Variants in MET observed in about 807,000 individuals in gnomAD.
The protein encoded by MET is MET proto-oncogene, receptor tyrosine kinase.
A neutral mutation model predicts 133.1 loss-of-function variants in MET; 48 were observed. That is an observed-to-expected ratio of 0.36 (90% confidence interval 0.29 to 0.46). The LOEUF is 0.46. MET is among the 20% of genes least tolerant of loss of function. MET has a pLI of 1.00. For missense variants in MET, 1,442 were observed against 1,695.9 expected (o/e 0.85, Z 2.63); for synonymous variants, 628 against 616.5 (o/e 1.02, Z -0.28).
intron 2 of MET, among the ~76,000 whole-genome samples, chr7:116,720,697 G>C (rs1278607916): frequency 2.1e-5 from 3 of 139,922 alleles, no homozygotes; most frequent in East Asian, 2.0e-4. Flanking sequence ...TAACATGAAG[G>C]GTTGTTGAAT....
intron 19 of MET, among the ~76,000 whole-genome samples, chr7:116,784,755 C>G (rs1795259809): frequency 6.6e-6 from 1 of 152,146 alleles, no homozygotes; most frequent in African/African-American, 2.4e-5. Context: ...TCCCAAATCT[C>G]ACGTCCTTCT....
chr7:116,769,177 G>A (rs1320801769), intron 11 of MET, among the ~76,000 whole-genome samples: 1 of 152,158 alleles, frequency 6.6e-6, no homozygotes, highest in Non-Finnish European at 1.5e-5. Context: ...CAGATCTCTG[G>A]AGATGAGACC....
chr7:116,782,864 C>T (rs1795195345), intron 18 of MET, among the ~76,000 whole-genome samples: 1 of 152,166 alleles, frequency 6.6e-6, no homozygotes, highest in South Asian at 2.1e-4. Context: ...GCTAACCTAG[C>T]TCATTTAAGA....
intron 19 of MET, among the ~76,000 whole-genome samples, chr7:116,791,884 C>T (rs1289025289): frequency 6.6e-6 from 1 of 152,144 alleles, no homozygotes; most frequent in Admixed American, 6.6e-5. Context: ...AGGCTCCTGA[C>T]TTCAAGTGAT....
chr7:116,782,874 A>T (rs1174266989), intron 18 of MET, among the ~76,000 whole-genome samples: 1 of 152,180 alleles, frequency 6.6e-6, no homozygotes, highest in Non-Finnish European at 1.5e-5. Context: ...CTCATTTAAG[A>T]ATGAAAAAGT....
intron 5 of MET, 127 bp downstream of exon 5, chr7:116,741,152 A>T (rs776773955): frequency 8.4e-6 from 9 of 1,077,680 alleles, no homozygotes; most frequent in Admixed American, 2.3e-5. Flanking sequence ...TTAAAAATCA[A>T]TTTACTCATT....
rs141395129 is a variant in MET at position 116,781,279 on chromosome 7, G to T, written c.3523-709G>T. On this transcript the variant is annotated intron_variant, in intron 17 of 20. Transcript: ENST00000397752. ...CTCTAGAGCCCAGGGCTTCCCCCAT[G>T]TGACCCTGCATGACAGGGTGTGCCT... is the stretch of plus-strand genomic sequence containing the variant. Among the ~76,000 whole-genome samples, 223 of 152,302 alleles carry T rather than the reference G, an allele frequency of 1.5e-3. 1 individual carries two copies. Among genetic ancestry groups the T allele is most frequent in the African/African-American group, 5.1e-3 (210 of 41,572 alleles).
At chr7:116,786,343 G>A (rs567281353) in intron 19 of MET, among the ~76,000 whole-genome samples, 2 of 152,270 alleles carry the variant, frequency 1.3e-5, no homozygotes, top group African/African-American at 4.8e-5. Context: ...AATTTCCGGG[G>A]AACACAATTC....
At chr7:116,760,004 T>G (rs967049060) in intron 10 of MET, among the ~76,000 whole-genome samples, 2 of 152,192 alleles carry the variant, frequency 1.3e-5, no homozygotes, top group African/African-American at 4.8e-5. Flanking sequence ...CTTGAACTCT[T>G]GACCTCAAAT....
intron 19 of MET, among the ~76,000 whole-genome samples, chr7:116,784,471 C>T (rs757520538): frequency 1.3e-5 from 2 of 152,130 alleles, no homozygotes; most frequent in African/African-American, 4.8e-5. Flanking sequence ...GCTGGAGAGG[C>T]CTCAGGGAGC....
intron 2 of MET, among the ~76,000 whole-genome samples, chr7:116,730,389 A>T (rs560882183): frequency 6.6e-6 from 1 of 152,354 alleles, no homozygotes; most frequent in African/African-American, 2.4e-5. Context: ...GTTGTTCTTT[A>T]TCCTAACAGC....
rs1344902873 is a variant in MET, at chr7:116,757,677, A to G, written c.2005A>G (p.Met669Val). 1 of 1,614,016 alleles carries G rather than the reference A, an allele frequency of 6.2e-7. No individual in the cohort carries two copies. Among genetic ancestry groups the G allele is most frequent in the Admixed American group, 1.7e-5 (1 of 59,996 alleles). ...ITSISPKYGP[M>V]AGGTLLTLTG... ...AAGTATTTCGCCGAAATACGGTCCT[A>G]TGGCTGGTGGCACTTTACTTACTTT... Residue 669 changes from methionine to valine, a missense_variant, in exon 8 of 21, where the codon ATG (methionine) becomes GTG (valine). Transcript: ENST00000397752.
intron 6 of MET, among the ~76,000 whole-genome samples, chr7:116,756,358 C>A (rs181075269): frequency 6.6e-6 from 1 of 152,242 alleles, no homozygotes; most frequent in South Asian, 2.1e-4. Flanking sequence ...CCCATTCTAT[C>A]AGGTGGTTAT....
At chr7:116,751,171 C>A (rs1485554043) in intron 5 of MET, among the ~76,000 whole-genome samples, 2 of 152,134 alleles carry the variant, frequency 1.3e-5, no homozygotes, top group East Asian at 1.9e-4. Flanking sequence ...TGGAACCAAC[C>A]CAAATGCCCA....
chr7:116,752,882 A>T (rs1222717069), intron 5 of MET, among the ~76,000 whole-genome samples: 2 of 152,192 alleles, frequency 1.3e-5, no homozygotes, highest in African/African-American at 4.8e-5. Context: ...AAGCCTCCTC[A>T]TTAGAAGAGC....
At chr7:116,742,895 C>G (rs564290838) in intron 5 of MET, among the ~76,000 whole-genome samples, 1 of 152,316 alleles carries the variant, frequency 6.6e-6, no homozygotes, top group African/African-American at 2.4e-5. Flanking sequence ...CAGACTGTGA[C>G]AGTTAGCATT....
intron 1 of MET, among the ~76,000 whole-genome samples, chr7:116,681,970 A>G (rs892108517): frequency 1.3e-5 from 2 of 152,214 alleles, no homozygotes; most frequent in African/African-American, 4.8e-5. Context: ...ACATAAATGA[A>G]TATGCATTTT....
At position 116,796,332 on chromosome 7, in the gene MET, A is replaced by G. The variant is rs1287897336; in HGVS notation, c.*208A>G. On this transcript the variant is annotated 3_prime_UTR_variant, in exon 21 of 21. Coordinates refer to ENST00000397752, the MANE Select transcript of MET (RefSeq NM_000245.4). ...GCTTGGTCCCACAGGCCACGGACCA[A>G]TGGCCTGCAGCCGTGACAACACTCC... 10 of 598,354 alleles carry G rather than the reference A, an allele frequency of 1.7e-5. No homozygotes were observed. Among genetic ancestry groups the G allele is most frequent in the Non-Finnish European group, 3.0e-5 (10 of 336,288 alleles). 37.1% of individuals were successfully genotyped at this position (598,354 alleles called of 1,614,324 possible).
intron 11 of MET, 43 bp downstream of exon 11, chr7:116,763,311 C>T (rs376137897): frequency 3.3e-6 from 5 of 1,527,048 alleles, no homozygotes; most frequent in African/African-American, 1.4e-5. Context: ...TCAGCTCAAA[C>T]TTAATTGACT....
Sources: gnomAD v4.1 joint callset for allele counts (sites outside exome capture counted in the v4.1 genomes callset) on GRCh38, gnomAD v4.1.1 for gene constraint, MANE v1.5 for transcripts, NCBI Gene and HGNC (gene_info 2026-07-23, HGNC 2026-07-21) for gene names.